Variants in KIF16B observed in about 807,000 individuals in gnomAD.
The protein encoded by KIF16B is kinesin-like protein KIF16B.
A neutral mutation model predicts 156.3 loss-of-function variants in KIF16B; 98 were observed. The ratio of observed to expected loss-of-function variants is 0.63; its 90% CI spans 0.53 to 0.74. The LOEUF (loss-of-function observed/expected upper bound fraction) is 0.74. Among genes scored for constraint, KIF16B ranks in the 30% least tolerant of loss-of-function variants. The pLI is 0.00. For missense variants in KIF16B, 1,421 were observed against 1,606.5 expected (o/e 0.88, Z 1.97); for synonymous variants, 564 against 583.7 (o/e 0.97, Z 0.49).
chr20:16,343,398 T>C (rs1368930172), intron 23 of KIF16B, among the ~76,000 whole-genome samples: 1 of 152,200 alleles, frequency 6.6e-6, no homozygotes, highest in African/African-American at 2.4e-5. Context: ...AAGAGGAGAA[T>C]CAACAGTTTT....
At chr20:16,286,708 C>T (rs2063227427) in intron 25 of KIF16B, among the ~76,000 whole-genome samples, 1 of 152,032 alleles carries the variant, frequency 6.6e-6, no homozygotes, top group Non-Finnish European at 1.5e-5. Context: ...TCCAACTAAC[C>T]AGTACAAGGT....
intron 17 of KIF16B, among the ~76,000 whole-genome samples, chr20:16,390,366 A>C (rs143981853): frequency 7.4e-4 from 112 of 152,318 alleles, no homozygotes; most frequent in African/African-American, 2.5e-3. Flanking sequence ...ACTTGCTCTG[A>C]AAATGACAGC....
At chr20:16,461,079 T>C (rs2067334236) in intron 12 of KIF16B, among the ~76,000 whole-genome samples, 1 of 151,780 alleles carries the variant, frequency 6.6e-6, no homozygotes, top group Non-Finnish European at 1.5e-5. Context: ...TTTTAAAATA[T>C]AAAAAAGAAT....
intron 12 of KIF16B, among the ~76,000 whole-genome samples, chr20:16,491,110 G>A (rs973894523): frequency 2.6e-5 from 4 of 152,090 alleles, no homozygotes; most frequent in Non-Finnish European, 4.4e-5. Flanking sequence ...AGGAGTGATC[G>A]GGGGAGGCGG....
chr20:16,286,800 A>G (rs915050402), intron 25 of KIF16B, among the ~76,000 whole-genome samples: 3 of 152,230 alleles, frequency 2.0e-5, no homozygotes, highest in Admixed American at 2.0e-4. Context: ...GGTGGCCCCA[A>G]TGAACCACAT....
At chr20:16,501,318 GAATTGAATTCTTGGTTCA>G (rs2068617668) in intron 10 of KIF16B, among the ~76,000 whole-genome samples, 1 of 90,246 alleles carries the variant, frequency 1.1e-5, no homozygotes, top group Admixed American at 1.1e-4. Context: ...TCAATACCAA[GAATTGAATTCTTGGTTCA>G]ATACCAAGAA....
intron 12 of KIF16B, among the ~76,000 whole-genome samples, chr20:16,463,015 C>A (rs899315293): frequency 2.0e-5 from 3 of 152,180 alleles, no homozygotes; most frequent in Admixed American, 1.3e-4. Flanking sequence ...CACATCTAGT[C>A]CTAACCAGAT....
intron 1 of KIF16B, among the ~76,000 whole-genome samples, chr20:16,559,510 G>C (rs532646714): frequency 7.2e-5 from 11 of 152,192 alleles, no homozygotes; most frequent in Admixed American, 2.0e-4. Flanking sequence ...GTTTATGCCT[G>C]TAATCCCCAC....
chr20:16,429,267 C>T (rs1050515858), intron 13 of KIF16B, among the ~76,000 whole-genome samples: 1 of 152,190 alleles, frequency 6.6e-6, no homozygotes, highest in Non-Finnish European at 1.5e-5. Context: ...ACTGATGTTC[C>T]TGATCCTTTC....
chr20:16,403,968 T>A (rs1301897801), intron 17 of KIF16B, among the ~76,000 whole-genome samples: 1 of 152,218 alleles, frequency 6.6e-6, no homozygotes, highest in Non-Finnish European at 1.5e-5. Flanking sequence ...CAGCTCTGAC[T>A]ATGAAACTGA....
chr20:16,510,537 C>T (rs1239107643), intron 6 of KIF16B, among the ~76,000 whole-genome samples: 2 of 152,102 alleles, frequency 1.3e-5, no homozygotes, highest in Admixed American at 6.6e-5. Context: ...GTAATCCCTG[C>T]TACTGGGGAG....
intron 12 of KIF16B, among the ~76,000 whole-genome samples, chr20:16,491,965 G>A (rs1288276365): frequency 6.6e-6 from 1 of 152,172 alleles, no homozygotes; most frequent in East Asian, 1.9e-4. Flanking sequence ...ACTTTCAAGA[G>A]CAATTCTGAC....
intron 25 of KIF16B, among the ~76,000 whole-genome samples, chr20:16,287,540 T>C (rs1365659887): frequency 6.6e-6 from 1 of 152,244 alleles, no homozygotes; most frequent in African/African-American, 2.4e-5. Context: ...TACTGAATTA[T>C]TATGGTACTG....
At chr20:16,502,367 C>A (rs534913910) in intron 10 of KIF16B, among the ~76,000 whole-genome samples, 5 of 152,204 alleles carry the variant, frequency 3.3e-5, no homozygotes, top group African/African-American at 1.2e-4. Flanking sequence ...TATTAAGCTT[C>A]ATAAATTTAA....
At chr20:16,449,166 G>C (rs987656564) in intron 12 of KIF16B, among the ~76,000 whole-genome samples, 1 of 152,090 alleles carries the variant, frequency 6.6e-6, no homozygotes, top group Non-Finnish European at 1.5e-5. Flanking sequence ...TGAGGGACAA[G>C]CTACACTGAA....
chr20:16,273,192 G>C lies in KIF16B; in HGVS notation c.*61C>G, dbSNP rs576704491. Reference sequence around the variant, plus strand: ...GATCCTCGCATGGGGGAGCTGCCCTGCATCGGAGCCCGCTTCGACGAGAAG... The same window carrying C: ...GATCCTCGCATGGGGGAGCTGCCCTCCATCGGAGCCCGCTTCGACGAGAAG... On this transcript the variant is annotated 3_prime_UTR_variant, in exon 26 of 26. Coordinates refer to ENST00000354981, the MANE Select transcript of KIF16B (RefSeq NM_024704.5). 3 of 1,435,906 alleles carry C rather than the reference G, an allele frequency of 2.1e-6. No homozygotes were observed. The highest frequency in any genetic ancestry group is 2.9e-6 in the Non-Finnish European group (3 of 1,023,640). The allele number at this position is 1,435,906 out of a possible 1,614,324, so 88.9% of individuals were successfully genotyped here. A position where few individuals can be genotyped will look rare whatever the true frequency, so the allele number is the denominator to read the frequency against.
In KIF16B at chr20:16,374,348, C is replaced by T. The variant is rs1436088425; in HGVS notation, c.3259G>A (p.Asp1087Asn). 4 of 1,606,488 alleles carry T rather than the reference C, an allele frequency of 2.5e-6. No individual in the cohort carries two copies. The East Asian group carries it at 9.0e-5, about 36-fold the overall frequency. ...KIYEVDGVQK[D>N]HHGTLEGKVA... The stretch of plus-strand genomic sequence containing the variant: ...TTCCCTTCCAGGGTCCCATGATGAT[C>T]TTTTTGAACACCATCGACCTCATAA... The change falls in exon 20 of 26, where the codon GAT (aspartate) becomes AAT (asparagine). Residue 1087 changes from aspartate to asparagine, a missense_variant. Transcript: ENST00000354981.
At chr20:16,317,988 T>C (rs78578962) in intron 24 of KIF16B, among the ~76,000 whole-genome samples, 7,439 of 152,280 alleles carry the variant, frequency 0.049, 225 homozygotes, top group Non-Finnish European at 0.077. Flanking sequence ...ACAGCCCCCA[T>C]GAACCAGAAA....
chr20:16,539,514 TTCTCGTGAGA>T (rs2070111636), intron 1 of KIF16B, among the ~76,000 whole-genome samples: 1 of 152,162 alleles, frequency 6.6e-6, no homozygotes, highest in Non-Finnish European at 1.5e-5. Flanking sequence ...AGTGAGTAAC[TTCTCGTGAGA>T]TCTGGCTGTT....
Sources: allele counts gnomAD v4.1 joint callset (sites outside exome capture counted in the v4.1 genomes callset), GRCh38; gene constraint gnomAD v4.1.1; transcripts MANE v1.5; gene names NCBI Gene and HGNC (gene_info 2026-07-23, HGNC 2026-07-21).